Variants in CBLB observed in about 807,000 individuals in gnomAD.
The protein encoded by CBLB is Cbl proto-oncogene B.
In CBLB, 31 loss-of-function variants were observed where a neutral mutation model predicts 104.9. That is an observed-to-expected ratio of 0.30 (90% CI 0.22 to 0.40). The LOEUF (loss-of-function observed/expected upper bound fraction) is 0.40, where lower values mean the gene tolerates loss of function less well. CBLB is among the 10% of genes least tolerant of loss of function. CBLB has a pLI of 1.00. For missense variants in CBLB, 1,062 were observed against 1,214.6 expected (o/e 0.87, Z 1.87); for synonymous variants, 440 against 422.6 (o/e 1.04, Z -0.51).
chr3:105,676,800 G>A (rs1231729492), intron 17 of CBLB, among the ~76,000 whole-genome samples: 2 of 152,198 alleles, frequency 1.3e-5, no homozygotes, highest in East Asian at 1.9e-4. Flanking sequence ...GAGATGACTG[G>A]ATCATGGGGG....
chr3:105,709,829 T>C (rs909110464), intron 10 of CBLB, among the ~76,000 whole-genome samples: 3 of 151,954 alleles, frequency 2.0e-5, no homozygotes, highest in African/African-American at 4.8e-5. Flanking sequence ...GCTGTCCAGA[T>C]GGTAAAACCA....
chr3:105,695,257 G>T (rs552791511), intron 12 of CBLB, among the ~76,000 whole-genome samples: 4 of 151,776 alleles, frequency 2.6e-5, no homozygotes, highest in Admixed American at 2.0e-4. Flanking sequence ...ATAAAAGACA[G>T]ATATGGGAAT....
chr3:105,769,033 G>T (rs1227705524), intron 4 of CBLB, among the ~76,000 whole-genome samples: 2 of 152,196 alleles, frequency 1.3e-5, no homozygotes, highest in African/African-American at 4.8e-5. Flanking sequence ...AATTATTGCC[G>T]CCGGGCGTGA....
chr3:105,665,646 C>T (rs183065542), intron 18 of CBLB, among the ~76,000 whole-genome samples: 150 of 146,268 alleles, frequency 1.0e-3, no homozygotes, highest in African/African-American at 3.6e-3. Flanking sequence ...ATAAAATATA[C>T]ATTATTAAAT....
chr3:105,741,125 A>T (rs1576775336), intron 6 of CBLB, among the ~76,000 whole-genome samples: 1 of 99,976 alleles, frequency 1.0e-5, no homozygotes, highest in African/African-American at 3.9e-5. Flanking sequence ...TTTGAGACGG[A>T]GTCTTACTCT....
At chr3:105,742,661 T>TA (rs943675487) in intron 6 of CBLB, among the ~76,000 whole-genome samples, 2 of 152,042 alleles carry the variant, frequency 1.3e-5, no homozygotes, top group Non-Finnish European at 2.9e-5. Flanking sequence ...AAATGTTACA[T>TA]AAAAAAATTA....
intron 10 of CBLB, among the ~76,000 whole-genome samples, chr3:105,707,304 AT>A (rs2152798540): frequency 6.6e-6 from 1 of 152,320 alleles, no homozygotes; most frequent in Non-Finnish European, 1.5e-5. Context: ...TGAAGAATTA[AT>A]TCATTTAGAA....
chr3:105,677,384 G>T (rs1023963640), intron 17 of CBLB, among the ~76,000 whole-genome samples: 11 of 150,510 alleles, frequency 7.3e-5, no homozygotes, highest in Non-Finnish European at 1.3e-4. Flanking sequence ...AAAAACTAAT[G>T]GTAGACATGA....
intron 11 of CBLB, among the ~76,000 whole-genome samples, chr3:105,703,618 C>G (rs1013356740): frequency 6.6e-6 from 1 of 152,112 alleles, no homozygotes; most frequent in African/African-American, 2.4e-5. Flanking sequence ...AATATACTCC[C>G]ATCACATTTT....
chr3:105,753,552 A>G (rs1235332257), intron 4 of CBLB, among the ~76,000 whole-genome samples: 1 of 152,190 alleles, frequency 6.6e-6, no homozygotes, highest in Non-Finnish European at 1.5e-5. Context: ...GACATTGATC[A>G]TGATACTCAG....
intron 10 of CBLB, among the ~76,000 whole-genome samples, chr3:105,713,100 T>C (rs964271200): frequency 2.0e-5 from 3 of 152,152 alleles, no homozygotes; most frequent in African/African-American, 4.8e-5. Context: ...TGAGACCCCA[T>C]CTTTGTTAAT....
At chr3:105,796,856 CA>C (rs1267496654) in intron 3 of CBLB, among the ~76,000 whole-genome samples, 1 of 152,076 alleles carries the variant, frequency 6.6e-6, no homozygotes, top group African/African-American at 2.4e-5. Flanking sequence ...TAGAGAAATG[CA>C]AATCAAAACC....
chr3:105,844,511 C>T (rs1281635344), intron 3 of CBLB, among the ~76,000 whole-genome samples: 1 of 152,162 alleles, frequency 6.6e-6, no homozygotes, highest in South Asian at 2.1e-4. Context: ...TTATTTTAAT[C>T]TATAAAGGGC....
At chr3:105,709,790 G>A (rs7653876) in intron 10 of CBLB, among the ~76,000 whole-genome samples, 222 of 151,906 alleles carry the variant, frequency 1.5e-3, no homozygotes, top group African/African-American at 5.0e-3. Flanking sequence ...TAACCGTGTC[G>A]AATTTATGAA....
At chr3:105,680,897 T>C (rs1158022464) in intron 16 of CBLB, 1 of 154,116 alleles carries the variant, frequency 6.5e-6, no homozygotes, top group Non-Finnish European at 1.4e-5. Flanking sequence ...CTTCAACATA[T>C]ACACACACCT....
chr3:105,736,993 T>C (rs2075021403), intron 8 of CBLB, among the ~76,000 whole-genome samples, 178 bp downstream of exon 8: 1 of 152,078 alleles, frequency 6.6e-6, no homozygotes, highest in African/African-American at 2.4e-5. Flanking sequence ...ACAGCATAAA[T>C]TTGTATCAAA....
intron 4 of CBLB, among the ~76,000 whole-genome samples, chr3:105,759,435 G>T (rs541123187): frequency 2.0e-5 from 3 of 152,312 alleles, no homozygotes; most frequent in Non-Finnish European, 4.4e-5. Context: ...TTCCACCCAT[G>T]AGCCTGTCTG....
At chr3:105,818,729 C>A (rs1044431580) in intron 3 of CBLB, among the ~76,000 whole-genome samples, 1 of 151,886 alleles carries the variant, frequency 6.6e-6, no homozygotes, top group Non-Finnish European at 1.5e-5. Context: ...AAATTAAATA[C>A]GAAAAGCATA....
chr3:105,697,832 A>G (rs2068578278), intron 12 of CBLB, among the ~76,000 whole-genome samples: 1 of 152,098 alleles, frequency 6.6e-6, no homozygotes, highest in Non-Finnish European at 1.5e-5. Flanking sequence ...TACTGCCTCA[A>G]GAGAACAAAT....
Sources: gnomAD v4.1 joint callset for allele counts (sites outside exome capture counted in the v4.1 genomes callset) on GRCh38, gnomAD v4.1.1 for gene constraint, MANE v1.5 for transcripts, NCBI Gene and HGNC (gene_info 2026-07-23, HGNC 2026-07-21) for gene names.